Variants in AGPAT4 observed in about 807,000 individuals in gnomAD.
AGPAT4 encodes the protein 1-acyl-sn-glycerol-3-phosphate acyltransferase delta.
AGPAT4 carries 15 observed loss-of-function variants against 48.0 expected under a neutral mutation model. The ratio of observed to expected loss-of-function variants is 0.31; its 90% CI spans 0.21 to 0.48. The LOEUF is 0.48. AGPAT4 is among the 20% of genes least tolerant of loss of function. The probability of loss-of-function intolerance (pLI) is 0.99; values close to 1 mark genes in which losing one functional copy is unlikely to be tolerated. For synonymous variants in AGPAT4, 178 were observed against 198.7 expected (o/e 0.90, Z 0.88); for missense variants, 314 against 482.5 (o/e 0.65, Z 3.27).
chr6:161,163,419 T>G (rs976358325), intron 3 of AGPAT4, among the ~76,000 whole-genome samples: 1 of 152,046 alleles, frequency 6.6e-6, no homozygotes, highest in African/African-American at 2.4e-5. Context: ...CTGAAGGTCA[T>G]TAAAGACAAA....
At position 161,195,496 on chromosome 6, in the gene AGPAT4, GCC is replaced by G. The variant is rs1491008595; in HGVS notation, c.179-29081_179-29080del. 1.4e-5 allele frequency among the ~76,000 whole-genome samples: 2 copies of G among 142,494 alleles called. No homozygotes were observed. Among genetic ancestry groups the G allele is most frequent in the African/African-American group, 6.1e-5 (2 of 33,000 alleles). 93.5% of individuals were successfully genotyped at this position (142,494 alleles called of 152,430 possible). A position where few individuals can be genotyped will look rare whatever the true frequency, so the allele number is the denominator to read the frequency against. On this transcript the variant is annotated intron_variant, in intron 2 of 8. Coordinates refer to ENST00000320285, the MANE Select transcript of AGPAT4 (RefSeq NM_020133.3). The surrounding 1 kb of genome is among the most constrained non-coding windows in gnomAD (Gnocchi z 5.0). The stretch of plus-strand genomic sequence containing the variant: ...ATCAGAATCAGAAGTTTGTACAGTA[GCC>G]AGAGATCTTTAAAAGCTCAAAGCGC...
rs1781617899 is a variant in AGPAT4, at chr6:161,215,368, G to A, written c.178+16668C>T. 6.6e-6 allele frequency among the ~76,000 whole-genome samples: 1 copy of A among 152,142 alleles called. No homozygotes were observed. The highest frequency in any genetic ancestry group is 1.5e-5 in the Non-Finnish European group (1 of 68,026). ...TGAATCTCAAGGTTTTTGAGGCCAT[G>A]GCTCATTCCTTCTCTGCCATTTCCC... On this transcript the variant is annotated intron_variant, in intron 2 of 8. Transcript: ENST00000320285. This position sits in a 1 kb window ranked among gnomAD's most constrained non-coding sequence, Gnocchi z 4.5.
At position 161,171,972 on chromosome 6, in the gene AGPAT4, A is replaced by G. The variant is rs1398380454; in HGVS notation, c.179-5555T>C. The stretch of plus-strand genomic sequence containing the variant: ...ACTCTGGGGGACACATTCAGAACAT[A>G]GCATCCCTGAAATATTTACCTTCTT... On this transcript the variant is annotated intron_variant, in intron 2 of 8. Coordinates refer to ENST00000320285, the MANE Select transcript of AGPAT4 (RefSeq NM_020133.3). The surrounding 1 kb of genome is among the most constrained non-coding windows in gnomAD (Gnocchi z 4.4). 1.3e-5 allele frequency among the ~76,000 whole-genome samples: 2 copies of G among 152,190 alleles called. No individual in the cohort carries two copies. Among genetic ancestry groups the G allele is most frequent in the African/African-American group, 2.4e-5 (1 of 41,456 alleles).
chr6:161,187,623 A>G (rs796083878), intron 2 of AGPAT4, among the ~76,000 whole-genome samples: 2 of 151,922 alleles, frequency 1.3e-5, no homozygotes, highest in African/African-American at 4.8e-5. Context: ...AGCTCACCGC[A>G]ACCTCTACCT....
At position 161,139,632 on chromosome 6, in the gene AGPAT4, G is replaced by C. The variant is rs180707058; in HGVS notation, c.844-12C>G. The C allele has an allele frequency of 6.3e-7, 1 of 1,589,784 alleles. No homozygotes were observed. Among genetic ancestry groups the C allele is most frequent in the South Asian group, 1.1e-5 (1 of 89,226 alleles). ...TCCTGAAAGGCATCCTGGGGGACAG[G>C]AAAGAGGACCCTCAGACGCCACACG... On this transcript the variant is annotated splice_polypyrimidine_tract_variant and intron_variant, in intron 7 of 8. Coordinates refer to ENST00000320285, the MANE Select transcript of AGPAT4 (RefSeq NM_020133.3). This position sits in a 1 kb window ranked among gnomAD's most constrained non-coding sequence, Gnocchi z 9.1.
Position 161,233,290 on chromosome 6 carries a change from A to G in AGPAT4, c.-89-988T>C, listed in dbSNP as rs1782178865. On this transcript the variant is annotated intron_variant, in intron 1 of 8. Coordinates refer to ENST00000320285, the MANE Select transcript of AGPAT4 (RefSeq NM_020133.3). This position sits in a 1 kb window ranked among gnomAD's most constrained non-coding sequence, Gnocchi z 5.4. ...TTTGGGAAATAAAAGCTTTCCTTTG[A>G]GGAAAATGGCAGGAGTTTCAAATAC... Among the ~76,000 whole-genome samples the G allele has an allele frequency of 6.6e-6, 1 of 152,230 alleles. No homozygotes were observed. Among genetic ancestry groups the G allele is most frequent in the Non-Finnish European group, 1.5e-5 (1 of 68,046 alleles).
chr6:161,136,772 T>G (rs1371633038), intron 8 of AGPAT4, 138 bp from the exon 9 acceptor site: 1 of 673,600 alleles, frequency 1.5e-6, no homozygotes, highest in Non-Finnish European at 2.6e-6. Context: ...TGAGGTGCCA[T>G]CATCCTGCCG....
Position 161,251,214 on chromosome 6 carries a change from T to G in AGPAT4, c.-89-18912A>C, listed in dbSNP as rs1782796254. On this transcript the variant is annotated intron_variant, in intron 1 of 8. Coordinates refer to ENST00000320285, the MANE Select transcript of AGPAT4 (RefSeq NM_020133.3). This position sits in a 1 kb window ranked among gnomAD's most constrained non-coding sequence, Gnocchi z 4.6. ...GCTACTCAATCCATCTTACACTTAT[T>G]TTTGGTTACAGTCCTCTGTGAAGAT... Among the ~76,000 whole-genome samples the G allele has an allele frequency of 6.6e-6, 1 of 152,212 alleles. No homozygotes were observed. The highest frequency in any genetic ancestry group is 6.5e-5 in the Admixed American group (1 of 15,288).
At chr6:161,153,022 T>C (rs1379076503) in intron 5 of AGPAT4, among the ~76,000 whole-genome samples, 1 of 152,170 alleles carries the variant, frequency 6.6e-6, no homozygotes, top group Non-Finnish European at 1.5e-5. Flanking sequence ...CAAACCCAAC[T>C]GTGCTGTCTT....
rs1779288760 is a variant in AGPAT4 at position 161,142,579 on chromosome 6, G to A, written c.844-2959C>T. ...CAGCCCGCAACAAAGGCACTAGGGA[G>A]GAAGCGTGCGAAGGAGACGTCCACA... On this transcript the variant is annotated intron_variant, in intron 7 of 8. Coordinates refer to ENST00000320285, the MANE Select transcript of AGPAT4 (RefSeq NM_020133.3). This position sits in a 1 kb window ranked among gnomAD's most constrained non-coding sequence, Gnocchi z 6.4. 6.6e-6 allele frequency among the ~76,000 whole-genome samples: 1 copy of A among 152,192 alleles called. No homozygotes were observed. Among genetic ancestry groups the A allele is most frequent in the Non-Finnish European group, 1.5e-5 (1 of 68,030 alleles).
rs1008463124 is a variant in AGPAT4, at chr6:161,166,983, T to G, written c.179-566A>C. ...CTGAAGAGAACTATTGAAATAGTCT[T>G]TGTAGGGGCTTGTGAAAAGAAAAAG... On this transcript the variant is annotated intron_variant, in intron 2 of 8. Coordinates refer to ENST00000320285, the MANE Select transcript of AGPAT4 (RefSeq NM_020133.3). This position sits in a 1 kb window ranked among gnomAD's most constrained non-coding sequence, Gnocchi z 6.7. Among the ~76,000 whole-genome samples, 2 of 152,032 alleles carry G rather than the reference T, an allele frequency of 1.3e-5. No homozygotes were observed. Among genetic ancestry groups the G allele is most frequent in the Admixed American group, 1.3e-4 (2 of 15,270 alleles).
rs1782079632 is a variant in AGPAT4, at chr6:161,229,850, T to C, written c.178+2186A>G. On this transcript the variant is annotated intron_variant, in intron 2 of 8. Coordinates refer to ENST00000320285, the MANE Select transcript of AGPAT4 (RefSeq NM_020133.3). This position sits in a 1 kb window ranked among gnomAD's most constrained non-coding sequence, Gnocchi z 6.0. ...CTCCGGGGACATAGGCAAAGGTCAT[T>C]GCTGGGGTGCATCTGGATGGAGGTG... Among the ~76,000 whole-genome samples the C allele has an allele frequency of 6.6e-6, 1 of 152,136 alleles. No individual in the cohort carries two copies. The highest frequency in any genetic ancestry group is 2.1e-4 in the South Asian group (1 of 4,826).
chr6:161,236,769 G>A lies in AGPAT4; in HGVS notation c.-89-4467C>T, dbSNP rs150982953. Among the ~76,000 whole-genome samples the A allele has an allele frequency of 0.011, 1,740 of 152,148 alleles. 32 individuals are homozygous for A. The highest frequency in any genetic ancestry group is 0.039 in the African/African-American group (1,627 of 41,484). ...AAAAAAAAAATAGCTGGATGTGGTGGTGGGTGTCTGTAATCCCAGCTACTC... is the reference window on the plus strand; with the variant it reads ...AAAAAAAAAATAGCTGGATGTGGTGATGGGTGTCTGTAATCCCAGCTACTC... On this transcript the variant is annotated intron_variant, in intron 1 of 8. Coordinates refer to ENST00000320285, the MANE Select transcript of AGPAT4 (RefSeq NM_020133.3). This position sits in a 1 kb window ranked among gnomAD's most constrained non-coding sequence, Gnocchi z 5.0.
chr6:161,209,092 G>C (rs1451581356), intron 2 of AGPAT4, among the ~76,000 whole-genome samples: 1 of 152,186 alleles, frequency 6.6e-6, no homozygotes, highest in East Asian at 1.9e-4. Flanking sequence ...TTGAAACCTG[G>C]TGATAAGTGG....
In AGPAT4 at chr6:161,215,747, A is replaced by G. The variant is rs1781629233; in HGVS notation, c.178+16289T>C. 6.6e-6 allele frequency among the ~76,000 whole-genome samples: 1 copy of G among 152,076 alleles called. No individual in the cohort carries two copies. Among genetic ancestry groups the G allele is most frequent in the Non-Finnish European group, 1.5e-5 (1 of 68,016 alleles). On this transcript the variant is annotated intron_variant, in intron 2 of 8. Coordinates refer to ENST00000320285, the MANE Select transcript of AGPAT4 (RefSeq NM_020133.3). This position sits in a 1 kb window ranked among gnomAD's most constrained non-coding sequence, Gnocchi z 4.5. Reference sequence around the variant, plus strand: ...AGAAAACACAAAAACACAAGATCCAAGTTTCCTGTTGATAGCTCAAACTCT... The same window carrying G: ...AGAAAACACAAAAACACAAGATCCAGGTTTCCTGTTGATAGCTCAAACTCT...
In AGPAT4 at chr6:161,144,696, C is replaced by T. The variant is rs369691824; in HGVS notation, c.843+1828G>A. Among the ~76,000 whole-genome samples, 8 of 152,088 alleles carry T rather than the reference C, an allele frequency of 5.3e-5. No individual in the cohort carries two copies. The highest frequency in any genetic ancestry group is 1.0e-4 in the Non-Finnish European group (7 of 68,020). ...TGCTTTCGGCTAAAAGTAACATTTT[C>T]GGCTGGGCACGGTGGCTCACGCCTG... On this transcript the variant is annotated intron_variant, in intron 7 of 8. Coordinates refer to ENST00000320285, the MANE Select transcript of AGPAT4 (RefSeq NM_020133.3). This position sits in a 1 kb window ranked among gnomAD's most constrained non-coding sequence, Gnocchi z 6.6.
rs1467323405 is a variant in AGPAT4, at chr6:161,255,728, T to C, written c.-90+18210A>G. On this transcript the variant is annotated intron_variant, in intron 1 of 8. Coordinates refer to ENST00000320285, the MANE Select transcript of AGPAT4 (RefSeq NM_020133.3). This position sits in a 1 kb window ranked among gnomAD's most constrained non-coding sequence, Gnocchi z 4.7. ...TTGTCTAGGGCTGGAGGGGGCAGGA[T>C]GGGGGAGTGACTGCTGATATGTACG... 6.7e-6 allele frequency among the ~76,000 whole-genome samples: 1 copy of C among 149,736 alleles called. No individual in the cohort carries two copies. Among genetic ancestry groups the C allele is most frequent in the Admixed American group, 6.7e-5 (1 of 15,014 alleles).
intron 2 of AGPAT4, among the ~76,000 whole-genome samples, chr6:161,192,561 T>A (rs1204698219): frequency 6.6e-6 from 1 of 152,228 alleles, no homozygotes; most frequent in South Asian, 2.1e-4. Context: ...CAAGACTTTA[T>A]CATTGTTTAT....
rs1473465310 is a variant in AGPAT4, at chr6:161,223,145, A to C, written c.178+8891T>G. ...CATGCTGGGTCTATGAGCCTTCTCC[A>C]CTAGACTGGGTCCCTACCAAGGACA... On this transcript the variant is annotated intron_variant, in intron 2 of 8. Coordinates refer to ENST00000320285, the MANE Select transcript of AGPAT4 (RefSeq NM_020133.3). This position sits in a 1 kb window ranked among gnomAD's most constrained non-coding sequence, Gnocchi z 6.3. Among the ~76,000 whole-genome samples, 1 of 151,984 alleles carries C rather than the reference A, an allele frequency of 6.6e-6. No homozygotes were observed. The highest frequency in any genetic ancestry group is 1.5e-5 in the Non-Finnish European group (1 of 67,980).
Sources: allele counts gnomAD v4.1 joint callset (sites outside exome capture counted in the v4.1 genomes callset), GRCh38; gene constraint gnomAD v4.1.1; non-coding constraint Gnocchi (gnomAD v3.1); transcripts MANE v1.5; gene names NCBI Gene and HGNC (gene_info 2026-07-23, HGNC 2026-07-21).